Variants in NPHP1 observed in about 807,000 individuals in gnomAD.
NPHP1 encodes the protein nephrocystin 1.
Under a neutral mutation model 90.4 loss-of-function variants are expected in NPHP1, and 70 were observed. That is an observed-to-expected ratio of 0.77 (90% CI 0.64 to 0.95). The LOEUF (loss-of-function observed/expected upper bound fraction) is 0.95. Among genes scored for constraint, NPHP1 ranks in the 40% least tolerant of loss-of-function variants. The pLI, the probability that NPHP1 is intolerant of heterozygous loss-of-function variation, is 0.00. For synonymous variants in NPHP1, 256 were observed against 271.7 expected (o/e 0.94, Z 0.57); for missense variants, 764 against 795.9 (o/e 0.96, Z 0.48).
chr2:110,196,824 A>G (rs1424698131), intron 2 of NPHP1, among the ~76,000 whole-genome samples: 3 of 152,218 alleles, frequency 2.0e-5, no homozygotes, highest in Non-Finnish European at 4.4e-5. Flanking sequence ...CTATGCAGCC[A>G]TAAAAAATGA....
chr2:110,188,202 A>G (rs767514189), intron 2 of NPHP1, among the ~76,000 whole-genome samples: 2 of 152,154 alleles, frequency 1.3e-5, no homozygotes, highest in Non-Finnish European at 2.9e-5. Context: ...GGAGTATTCA[A>G]ATAGGAAGAG....
rs147541387 is a variant in NPHP1, at chr2:110,183,460, C to T, written c.144-3776G>A. Among the ~76,000 whole-genome samples, 127 of 152,210 alleles carry T rather than the reference C, an allele frequency of 8.3e-4. 1 individual carries two copies. In the East Asian group the frequency reaches 0.014, roughly 17 times the overall value. On this transcript the variant is annotated intron_variant, in intron 2 of 19. Transcript: ENST00000445609. ...TTAGTAAATCTATAATCTATAGAAA[C>T]AATACTTATCACTGGCTTGCTGTCA...
intron 2 of NPHP1, among the ~76,000 whole-genome samples, chr2:110,185,953 G>A (rs2104645126): frequency 6.6e-6 from 1 of 152,276 alleles, no homozygotes; most frequent in South Asian, 2.1e-4. Flanking sequence ...CGTTCTTGTT[G>A]CAATGCCATC....
intron 4 of NPHP1, among the ~76,000 whole-genome samples, chr2:110,177,160 C>A (rs1361339879): frequency 3.9e-5 from 6 of 152,130 alleles, no homozygotes; most frequent in African/African-American, 1.2e-4. Flanking sequence ...AGAATATCAA[C>A]CCTGCTTGGT....
intron 16 of NPHP1, among the ~76,000 whole-genome samples, chr2:110,138,716 C>T (rs1680402489): frequency 6.6e-6 from 1 of 152,120 alleles, no homozygotes; most frequent in African/African-American, 2.4e-5. Flanking sequence ...CACAGTGTTT[C>T]AGCTGCATGC....
At chr2:110,177,968 T>G (rs1251889608) in intron 4 of NPHP1, 3 of 186,556 alleles carry the variant, frequency 1.6e-5, no homozygotes, top group Non-Finnish European at 3.3e-5. Flanking sequence ...CTTGAACTCC[T>G]GGCCTCAAGT....
At chr2:110,127,447 C>T (rs937544595) in intron 18 of NPHP1, 4 of 151,940 alleles carry the variant, frequency 2.6e-5, no homozygotes, top group Non-Finnish European at 5.9e-5. Flanking sequence ...ACAAATAATT[C>T]AATGTGAAAA....
intron 16 of NPHP1, among the ~76,000 whole-genome samples, chr2:110,135,147 C>A (rs369034361): frequency 6.6e-6 from 1 of 151,890 alleles, no homozygotes; most frequent in African/African-American, 2.4e-5. Flanking sequence ...ACTAACAATG[C>A]ACAATTTGAG....
rs558755583 is a variant in NPHP1, at chr2:110,201,533, A to G, written c.70-39T>C. On this transcript the variant is annotated intron_variant, in intron 1 of 19. Coordinates refer to ENST00000445609, the MANE Select transcript of NPHP1 (RefSeq NM_001128178.3). ...TTAAAATATCACATTATTAAATACC[A>G]TATCGCCTTAGGAAAGAAAACTTCT... 121 of 1,386,072 alleles carry G rather than the reference A, an allele frequency of 8.7e-5. No homozygotes were observed. The East Asian group carries it at 2.5e-3, about 29-fold the overall frequency. 85.9% of individuals were successfully genotyped at this position (1,386,072 alleles called of 1,614,324 possible). A position where few individuals can be genotyped will look rare whatever the true frequency, so the allele number is the denominator to read the frequency against.
At chr2:110,136,272 A>T (rs899203183) in intron 16 of NPHP1, among the ~76,000 whole-genome samples, 6 of 152,196 alleles carry the variant, frequency 3.9e-5, no homozygotes, top group Non-Finnish European at 8.8e-5. Flanking sequence ...CAAGACAGGG[A>T]TGTCCTCTCT....
At chr2:110,202,142 A>G (rs952606335) in intron 1 of NPHP1, among the ~76,000 whole-genome samples, 22 of 152,104 alleles carry the variant, frequency 1.4e-4, no homozygotes, top group African/African-American at 4.6e-4. Flanking sequence ...AGTGGTATCC[A>G]TTGTATTGAA....
rs535235372 is a variant in NPHP1 at position 110,180,888 on chromosome 2, G to A, written c.144-1204C>T. Among the ~76,000 whole-genome samples, 7 of 152,288 alleles carry A rather than the reference G, an allele frequency of 4.6e-5. No homozygotes were observed. In the East Asian group the frequency reaches 1.4e-3, roughly 29 times the overall value. ...GGTCCAATACACAGAACTGTGTGGTGTCTCAGCAGAGCAGCTGCTCAGGCA... is the reference window on the plus strand; with the variant it reads ...GGTCCAATACACAGAACTGTGTGGTATCTCAGCAGAGCAGCTGCTCAGGCA... On this transcript the variant is annotated intron_variant, in intron 2 of 19. Coordinates refer to ENST00000445609, the MANE Select transcript of NPHP1 (RefSeq NM_001128178.3).
intron 2 of NPHP1, among the ~76,000 whole-genome samples, chr2:110,193,042 C>G (rs1200703399): frequency 3.3e-5 from 5 of 152,128 alleles, no homozygotes; most frequent in African/African-American, 9.7e-5. Context: ...GTACCAGCCA[C>G]TGCAAAAACA....
chr2:110,172,351 T>C (rs983622963), intron 4 of NPHP1, among the ~76,000 whole-genome samples: 1 of 152,188 alleles, frequency 6.6e-6, no homozygotes, highest in East Asian at 1.9e-4. Flanking sequence ...TGTCTGTTTA[T>C]TGTTCACTGT....
At chr2:110,130,698 C>T (rs1679712993) in intron 17 of NPHP1, among the ~76,000 whole-genome samples, 1 of 152,174 alleles carries the variant, frequency 6.6e-6, no homozygotes, top group South Asian at 2.1e-4. Flanking sequence ...CCAACACATG[C>T]ATGTCTTCTT....
Position 110,123,939 on chromosome 2 carries a change from C to T in NPHP1, c.1886G>A (p.Trp629Ter), listed in dbSNP as rs1311042980. 1 of 1,614,022 alleles carries T rather than the reference C, an allele frequency of 6.2e-7. No homozygotes were observed. The highest frequency in any genetic ancestry group is 1.3e-5 in the African/African-American group (1 of 74,922). ...CTTAAGGAAGTCAGTGATAACTTTC[C>T]ACCGTGCAGTCTCAGTCTCTTCTTC... The part of the protein sequence containing the change: ...WAEEETETAR[W>*]KVITDFLKQN... The change falls in exon 20 of 20, where the codon TGG becomes TAG. Residue 629 changes from tryptophan (W) to a stop codon, truncating the protein, a stop_gained. Transcript: ENST00000445609. LOFTEE classifies it high-confidence loss of function.
chr2:110,140,362 C>T (rs1369890526), intron 16 of NPHP1, among the ~76,000 whole-genome samples: 2 of 152,066 alleles, frequency 1.3e-5, no homozygotes, highest in East Asian at 1.9e-4. Context: ...GGTGCCTATT[C>T]TGTACTGTAA....
In NPHP1 at chr2:110,153,970, C is replaced by G. The variant is rs1330288552; in HGVS notation, c.1084-3714G>C. ...TGCACTCCAGCCTGGGTGACAAAAG[C>G]AAAACTCCATCTCAAAAAAAAAAAA... On this transcript the variant is annotated intron_variant, in intron 11 of 19. Transcript: ENST00000445609. 2.1e-5 allele frequency among the ~76,000 whole-genome samples: 3 copies of G among 141,076 alleles called. No homozygotes were observed. The Admixed American group carries it at 2.2e-4, about 10-fold the overall frequency. The allele number at this position is 141,076 out of a possible 152,430, so 92.6% of individuals were successfully genotyped here.
chr2:110,182,259 A>C (rs2104627178), intron 2 of NPHP1, among the ~76,000 whole-genome samples: 1 of 152,248 alleles, frequency 6.6e-6, no homozygotes. Flanking sequence ...AGACAAGCCA[A>C]CATTCAAATT....
Sources: allele counts gnomAD v4.1 joint callset (sites outside exome capture counted in the v4.1 genomes callset), GRCh38; gene constraint gnomAD v4.1.1; transcripts MANE v1.5; gene names NCBI Gene and HGNC (gene_info 2026-07-23, HGNC 2026-07-21).